CCNY: variants seen among roughly 807,000 people sequenced by gnomAD.
The protein encoded by CCNY is cyclin Y.
CCNY carries 19 observed loss-of-function variants against 42.8 expected under a neutral mutation model. The observed-to-expected ratio is 0.44, with a 90% CI of 0.31 to 0.65. The LOEUF is 0.65. Ranked by LOEUF, CCNY falls within the 30% of genes least tolerant of loss-of-function variation. The pLI is 0.07. For synonymous variants in CCNY, 165 were observed against 162.7 expected (o/e 1.01, Z -0.11); for missense variants, 370 against 437.3 (o/e 0.85, Z 1.37).
intron 1 of CCNY, among the ~76,000 whole-genome samples, chr10:35,397,177 T>A (rs1305942872): frequency 6.6e-6 from 1 of 152,196 alleles, no homozygotes; most frequent in Admixed American, 6.5e-5. Context: ...TAGGAAACCT[T>A]TGTATTCAGA....
chr10:35,383,808 G>A (rs1837244562), intron 1 of CCNY, among the ~76,000 whole-genome samples: 1 of 152,134 alleles, frequency 6.6e-6, no homozygotes. Flanking sequence ...ATTGGGGACA[G>A]TACTTTTAGG....
intron 1 of CCNY, among the ~76,000 whole-genome samples, chr10:35,458,824 G>C (rs1378080670): frequency 1.3e-5 from 2 of 152,186 alleles, no homozygotes; most frequent in Non-Finnish European, 2.9e-5. Flanking sequence ...GGGAACCAAG[G>C]CTCTTTGTTT....
chr10:35,341,669 A>G (rs1836186673), intron 1 of CCNY, among the ~76,000 whole-genome samples: 1 of 152,228 alleles, frequency 6.6e-6, no homozygotes, highest in Non-Finnish European at 1.5e-5. Flanking sequence ...GTGAGGGGAA[A>G]CAGGAGGCAA....
intron 9 of CCNY, among the ~76,000 whole-genome samples, chr10:35,567,958 C>T (rs1841604721): frequency 6.6e-6 from 1 of 152,250 alleles, no homozygotes; most frequent in Non-Finnish European, 1.5e-5. Flanking sequence ...TTCGCAAGCA[C>T]AGATGTGAGG....
At chr10:35,390,047 C>T (rs910139164) in intron 1 of CCNY, among the ~76,000 whole-genome samples, 2 of 152,212 alleles carry the variant, frequency 1.3e-5, no homozygotes, top group Non-Finnish European at 2.9e-5. Context: ...ACCAGGCATT[C>T]ATTGGCTCGC....
intron 1 of CCNY, among the ~76,000 whole-genome samples, chr10:35,394,363 T>C (rs768962822): frequency 1.1e-4 from 16 of 152,244 alleles, no homozygotes; most frequent in Non-Finnish European, 1.5e-4. Flanking sequence ...TCAATTAACA[T>C]GTGCATTTTT....
chr10:35,318,958 G>C (rs1185909643), intron 3 of CCNY, among the ~76,000 whole-genome samples: 1 of 152,032 alleles, frequency 6.6e-6, no homozygotes, highest in Non-Finnish European at 1.5e-5. Context: ...GGGCTACTCA[G>C]ATTTTCTATA....
chr10:35,527,489 T>C (rs1178270321), intron 5 of CCNY, among the ~76,000 whole-genome samples: 4 of 152,214 alleles, frequency 2.6e-5, no homozygotes, highest in Non-Finnish European at 4.4e-5. Context: ...GTCAGTTCTT[T>C]ACATGCTTTA....
At chr10:35,318,382 C>T (rs542655591) in intron 3 of CCNY, among the ~76,000 whole-genome samples, 9 of 152,098 alleles carry the variant, frequency 5.9e-5, no homozygotes, top group Middle Eastern at 6.8e-3. Context: ...AACTGAGTAG[C>T]GAATTTTAAT....
chr10:35,567,129 C>T (rs555827804), intron 9 of CCNY, among the ~76,000 whole-genome samples: 139 of 152,286 alleles, frequency 9.1e-4, no homozygotes, highest in African/African-American at 3.1e-3. Context: ...TCTCAGCATG[C>T]GCTTTCATAG....
intron 1 of CCNY, among the ~76,000 whole-genome samples, chr10:35,410,804 G>A (rs1486616764): frequency 1.3e-5 from 2 of 152,184 alleles, no homozygotes; most frequent in Non-Finnish European, 2.9e-5. Context: ...GGAGGGCTGG[G>A]TTTTGAGACA....
At chr10:35,333,813 A>G (rs1353164037), upstream of CCNY, among the ~76,000 whole-genome samples, 1 of 151,988 alleles carries the variant, frequency 6.6e-6, no homozygotes, top group Non-Finnish European at 1.5e-5. Flanking sequence ...ATTTTTCCCA[A>G]AGTGTCACTG....
intron 1 of CCNY, among the ~76,000 whole-genome samples, chr10:35,357,622 A>G (rs995064476): frequency 1.3e-5 from 2 of 152,224 alleles, no homozygotes; most frequent in African/African-American, 2.4e-5. Flanking sequence ...TTATCCCAGC[A>G]TTGGGGATGC....
chr10:35,480,731 C>A (rs1201893125), intron 1 of CCNY, among the ~76,000 whole-genome samples: 1 of 152,182 alleles, frequency 6.6e-6, no homozygotes, highest in Non-Finnish European at 1.5e-5. Flanking sequence ...CTTTGGGAGG[C>A]TGAAGCAGGA....
chr10:35,317,635 A>G (rs1352085697), intron 3 of CCNY, among the ~76,000 whole-genome samples: 1 of 152,214 alleles, frequency 6.6e-6, no homozygotes, highest in Non-Finnish European at 1.5e-5. Context: ...CTGAGCATGG[A>G]AGAGAGCACA....
At chr10:35,408,613 A>G (rs1837836448) in intron 1 of CCNY, among the ~76,000 whole-genome samples, 1 of 152,142 alleles carries the variant, frequency 6.6e-6, no homozygotes, top group African/African-American at 2.4e-5. Context: ...TAGGGCAGAA[A>G]CAAATCACAA....
intron 1 of CCNY, among the ~76,000 whole-genome samples, chr10:35,455,636 T>A (rs1423079677): frequency 6.6e-6 from 1 of 151,678 alleles, no homozygotes; most frequent in Non-Finnish European, 1.5e-5. Context: ...CAGTGCTCAC[T>A]GTCTCCTCTT....
chr10:35,435,316 C>G (rs1838505313), intron 1 of CCNY, among the ~76,000 whole-genome samples: 1 of 152,212 alleles, frequency 6.6e-6, no homozygotes, highest in Non-Finnish European at 1.5e-5. Context: ...ACTATCTGTT[C>G]TACCTATGGA....
chr10:35,422,184 T>A (rs1379345890), intron 1 of CCNY, among the ~76,000 whole-genome samples: 2 of 152,256 alleles, frequency 1.3e-5, no homozygotes, highest in African/African-American at 4.8e-5. Flanking sequence ...TTTTAAAATT[T>A]AAATTTAAAA....
Sources: gnomAD v4.1 joint callset for allele counts (sites outside exome capture counted in the v4.1 genomes callset) on GRCh38, gnomAD v4.1.1 for gene constraint, MANE v1.5 for transcripts, NCBI Gene and HGNC (gene_info 2026-07-23, HGNC 2026-07-21) for gene names.